The following ROCK2 variants were observed in gnomAD, a reference collection of about 807,000 sequenced individuals.
ROCK2 encodes Rho associated coiled-coil containing protein kinase 2, also known as rho-associated protein kinase 2.
A neutral mutation model predicts 195.1 loss-of-function variants in ROCK2; 61 were observed. That is an observed-to-expected ratio of 0.31 (90% CI 0.25 to 0.39). ROCK2 has a LOEUF of 0.39. Among genes scored for constraint, ROCK2 ranks in the 10% least tolerant of loss-of-function variants. The probability of loss-of-function intolerance (pLI) is 1.00; values close to 1 mark genes in which losing one functional copy is unlikely to be tolerated. For synonymous variants in ROCK2, 504 were observed against 545.5 expected (o/e 0.92, Z 1.06); for missense variants, 1,109 against 1,637.4 (o/e 0.68, Z 5.57).
At chr2:11,325,163 A>T (rs1165172433) in intron 1 of ROCK2, among the ~76,000 whole-genome samples, 1 of 152,124 alleles carries the variant, frequency 6.6e-6, no homozygotes, top group Admixed American at 6.5e-5. Flanking sequence ...TTATAAGTAG[A>T]TTTTTTTTCC....
intron 1 of ROCK2, among the ~76,000 whole-genome samples, chr2:11,338,984 T>C (rs1669021692): frequency 6.6e-6 from 1 of 151,590 alleles, no homozygotes; most frequent in African/African-American, 2.4e-5. Flanking sequence ...GCTGAAAAGG[T>C]GTGAAGGAGA....
intron 32 of ROCK2, among the ~76,000 whole-genome samples, chr2:11,190,007 A>AATG (rs1337113619): frequency 2.0e-5 from 3 of 152,022 alleles, no homozygotes; most frequent in Admixed American, 1.3e-4. Flanking sequence ...TAATAATAAT[A>AATG]ATAATAATAA....
chr2:11,258,702 T>C (rs750100261), intron 3 of ROCK2, among the ~76,000 whole-genome samples: 2 of 151,184 alleles, frequency 1.3e-5, no homozygotes, highest in African/African-American at 2.5e-5. Context: ...AGGTTATTTC[T>C]GTTAGTCACG....
intron 3 of ROCK2, among the ~76,000 whole-genome samples, chr2:11,250,111 G>A (rs989076738): frequency 6.6e-6 from 1 of 151,976 alleles, no homozygotes; most frequent in Non-Finnish European, 1.5e-5. Context: ...TTAAGAATGA[G>A]ATATTGTTAA....
intron 3 of ROCK2, among the ~76,000 whole-genome samples, chr2:11,258,571 A>G (rs1389745993): frequency 1.3e-5 from 2 of 151,412 alleles, no homozygotes; most frequent in Admixed American, 6.6e-5. Context: ...AAGTGTGGAG[A>G]GAGCCTATGG....
intron 3 of ROCK2, among the ~76,000 whole-genome samples, chr2:11,284,486 G>T (rs537805091): frequency 6.6e-6 from 1 of 152,102 alleles, no homozygotes; most frequent in Non-Finnish European, 1.5e-5. Context: ...CTATGCACAC[G>T]TTGGGGCAAG....
At chr2:11,227,545 G>C in intron 5 of ROCK2, 147 bp from the exon 6 acceptor site, 1 of 627,642 alleles carries the variant, frequency 1.6e-6, no homozygotes, top group South Asian at 3.1e-5. Context: ...TCAGGATACA[G>C]AGAATAAATA....
chr2:11,345,036 C>A (rs561695063), upstream of ROCK2, among the ~76,000 whole-genome samples: 3 of 151,714 alleles, frequency 2.0e-5, no homozygotes, highest in Non-Finnish European at 2.9e-5. Context: ...CCGCGCCCCC[C>A]GCCGCGGCCC....
rs960680977 is a variant in ROCK2 at position 11,255,296 on chromosome 2, C to A, written c.325-5498G>T. On this transcript the variant is annotated intron_variant, in intron 3 of 32. Coordinates refer to ENST00000315872, the MANE Select transcript of ROCK2 (RefSeq NM_004850.5). Reference sequence around the variant, plus strand: ...CATTTACAAAGTATAAAACAGCCTGCAAGAGTTAAGGATGAACAGCAAGTA... The same window carrying A: ...CATTTACAAAGTATAAAACAGCCTGAAAGAGTTAAGGATGAACAGCAAGTA... 2.1e-4 allele frequency among the ~76,000 whole-genome samples: 31 copies of A among 147,732 alleles called. 1 individual carries two copies. The highest frequency in any genetic ancestry group is 7.9e-4 in the African/African-American group (31 of 39,364).
intron 3 of ROCK2, among the ~76,000 whole-genome samples, chr2:11,264,904 G>A (rs888709317): frequency 6.6e-6 from 1 of 152,180 alleles, no homozygotes; most frequent in African/African-American, 2.4e-5. Flanking sequence ...TACAGGTGAA[G>A]TCTATATTTA....
chr2:11,186,211 A>G (rs193040769), intron 32 of ROCK2, among the ~76,000 whole-genome samples: 137 of 152,312 alleles, frequency 9.0e-4, no homozygotes, highest in African/African-American at 2.3e-3. Context: ...AACCTGGCAC[A>G]CACTCACTTC....
At position 11,309,050 on chromosome 2, in the gene ROCK2, C is replaced by A. The variant is rs1572390931; in HGVS notation, c.142-21314G>T. ...CAACAGGCAGGAAGCAAGCCGTACC[C>A]AGACCAGTAGGCCGGAGGGAGTCCA... On this transcript the variant is annotated intron_variant, in intron 1 of 32. Transcript: ENST00000315872. The A allele has an allele frequency of 3.4e-6, 5 of 1,491,830 alleles. No individual in the cohort carries two copies. The East Asian group carries it at 1.2e-4, about 34-fold the overall frequency. The allele number at this position is 1,491,830 out of a possible 1,614,324, so 92.4% of individuals were successfully genotyped here. A position where few individuals can be genotyped will look rare whatever the true frequency, so the allele number is the denominator to read the frequency against.
chr2:11,192,556 A>C lies in ROCK2; in HGVS notation c.3844T>G (p.Trp1282Gly). Residue 1282 changes from tryptophan (W) to glycine (G), a missense_variant, in exon 31 of 33, where the codon TGG becomes GGG. By Grantham distance (184) the Trp-to-Gly change is radical. Coordinates refer to ENST00000315872, the MANE Select transcript of ROCK2 (RefSeq NM_004850.5). This position sits in a 1 kb window ranked among gnomAD's most constrained non-coding sequence, Gnocchi z 5.0. ...GCAGGAGGAGGCTTAAACATGTGCC[A>C]CAGGGGCTTCATACAAGCCTCACAG... ...TNCEACMKPL[W>G]HMFKPPPALE... The C allele has an allele frequency of 6.2e-7, 1 of 1,614,174 alleles. No individual in the cohort carries two copies. Among genetic ancestry groups the C allele is most frequent in the Non-Finnish European group, 8.5e-7 (1 of 1,180,022 alleles).
In ROCK2 at chr2:11,286,627, A is replaced by G. The variant is rs1667202246; in HGVS notation, c.236T>C (p.Val79Ala). The G allele has an allele frequency of 6.3e-7, 1 of 1,595,046 alleles. No individual in the cohort carries two copies. The highest frequency in any genetic ancestry group is 1.7e-5 in the Admixed American group (1 of 59,638). Residue 79 changes from valine to alanine, a missense_variant, in exon 3 of 33, where the codon GTG (valine) becomes GCG (alanine). Physicochemically the swap from Val to Ala is moderately conservative, Grantham distance 64. Coordinates refer to ENST00000315872, the MANE Select transcript of ROCK2 (RefSeq NM_004850.5). Reference sequence around the variant, plus strand: ...CATCTGTAGACCTCTGATTTTTTTCACAATTTTCTCATCTACCATAAAAAG... The same window carrying G: ...CATCTGTAGACCTCTGATTTTTTTCGCAATTTTCTCATCTACCATAAAAAG... ...DNFLNRYEKI[V>A]KKIRGLQMKA... is the part of the protein sequence containing the mutation.
At chr2:11,324,251 A>T (rs1668480916) in intron 1 of ROCK2, among the ~76,000 whole-genome samples, 1 of 152,294 alleles carries the variant, frequency 6.6e-6, no homozygotes. Flanking sequence ...CCTGGCCAAC[A>T]TGGTGAAACC....
rs70953379 is a variant in ROCK2 at position 11,275,695 on chromosome 2, CTTTTTTTTT to C, written c.324+10835_324+10843del. ...AACACATTTCACAAAATTCAACAAT[CTTTTTTTTT>C]TTTTTTTTTTTTTGAGACAAAGTCT... On this transcript the variant is annotated intron_variant, in intron 3 of 32. Coordinates refer to ENST00000315872, the MANE Select transcript of ROCK2 (RefSeq NM_004850.5). Among the ~76,000 whole-genome samples, 45 of 110,190 alleles carry C rather than the reference CTTTTTTTTT, an allele frequency of 4.1e-4. No individual in the cohort carries two copies. In the East Asian group the frequency reaches 0.012, roughly 30 times the overall value. The allele number at this position is 110,190 out of a possible 152,430, so 72.3% of individuals were successfully genotyped here. A position where few individuals can be genotyped will look rare whatever the true frequency, so the allele number is the denominator to read the frequency against.
At chr2:11,219,990 C>A (rs989741045) in intron 9 of ROCK2, among the ~76,000 whole-genome samples, 4 of 151,704 alleles carry the variant, frequency 2.6e-5, no homozygotes, top group African/African-American at 9.7e-5. Flanking sequence ...GGATTACAGG[C>A]GCAAACCACC....
At chr2:11,194,627 C>T (rs1370531764) in intron 28 of ROCK2, among the ~76,000 whole-genome samples, 1 of 151,876 alleles carries the variant, frequency 6.6e-6, no homozygotes, top group Non-Finnish European at 1.5e-5. Context: ...CAAAAATAAA[C>T]ATAATAACAT....
intron 1 of ROCK2, among the ~76,000 whole-genome samples, chr2:11,290,694 T>C (rs1341252726): frequency 1.3e-5 from 2 of 151,962 alleles, no homozygotes; most frequent in African/African-American, 4.8e-5. Context: ...TCTATTGGAT[T>C]TCAGGTCAGA....
Sources: gnomAD v4.1 joint callset for allele counts (sites outside exome capture counted in the v4.1 genomes callset) on GRCh38, gnomAD v4.1.1 for gene constraint, Gnocchi (gnomAD v3.1) non-coding constraint, MANE v1.5 for transcripts, NCBI Gene and HGNC (gene_info 2026-07-23, HGNC 2026-07-21) for gene names.